ERC2: variants seen among roughly 807,000 people sequenced by gnomAD.
ERC2 encodes the protein ERC protein 2.
ERC2 carries 42 observed loss-of-function variants against 114.8 expected under a neutral mutation model. The observed-to-expected ratio is 0.37, with a 90% CI of 0.29 to 0.47. The LOEUF (loss-of-function observed/expected upper bound fraction) is 0.47. Ranked by LOEUF, ERC2 falls within the 20% of genes least tolerant of loss-of-function variation. The pLI, the probability that ERC2 is intolerant of heterozygous loss-of-function variation, is 0.99. For synonymous variants in ERC2, 454 were observed against 425.5 expected (o/e 1.07, Z -0.82); for missense variants, 939 against 1,150.7 (o/e 0.82, Z 2.66).
chr3:56,233,642 T>C (rs2050768713), intron 3 of ERC2, among the ~76,000 whole-genome samples: 1 of 152,078 alleles, frequency 6.6e-6, no homozygotes, highest in Non-Finnish European at 1.5e-5. Context: ...AAAACATTTT[T>C]GCTCTCCTAT....
rs186252966 is a variant in ERC2, at chr3:56,236,628, T to C, written c.1074+59391A>G. ...GTTTTGCTAACAGCTTCTCAAGCAC[T>C]GGGGTCTATTTATTATATTGAGGTA... On this transcript the variant is annotated intron_variant, in intron 3 of 17. Coordinates refer to ENST00000288221, the MANE Select transcript of ERC2 (RefSeq NM_015576.3). Among the ~76,000 whole-genome samples the C allele has an allele frequency of 2.0e-3, 297 of 152,282 alleles. 1 individual carries two copies. The highest frequency in any genetic ancestry group is 6.9e-3 in the African/African-American group (288 of 41,538).
At chr3:55,924,428 T>C (rs759466540) in intron 13 of ERC2, among the ~76,000 whole-genome samples, 2 of 152,164 alleles carry the variant, frequency 1.3e-5, no homozygotes, top group African/African-American at 2.4e-5. Context: ...AGACCATAGT[T>C]GGCCAACCAG....
rs569029272 is a variant in ERC2, at chr3:55,972,449, C to A, written c.2267+13528G>T. Among the ~76,000 whole-genome samples the A allele has an allele frequency of 3.8e-4, 58 of 152,216 alleles. No individual in the cohort carries two copies. In the South Asian group the frequency reaches 0.012, roughly 31 times the overall value. On this transcript the variant is annotated intron_variant, in intron 12 of 17. Transcript: ENST00000288221. ...CCTTGTCCCCAACACCCCAACAGGC[C>A]ACGGTGTGTGATGTTCTCCTCCCTG...
chr3:55,923,379 G>A (rs1338760195), intron 13 of ERC2, among the ~76,000 whole-genome samples: 1 of 152,052 alleles, frequency 6.6e-6, no homozygotes, highest in Non-Finnish European at 1.5e-5. Context: ...CAGGGACCAG[G>A]GGTATGAGGT....
intron 13 of ERC2, among the ~76,000 whole-genome samples, chr3:55,907,532 G>A (rs2064531380): frequency 6.6e-6 from 1 of 152,206 alleles, no homozygotes; most frequent in Non-Finnish European, 1.5e-5. Context: ...AGAGGTCTTT[G>A]TCTCTGATAT....
chr3:56,265,673 G>A (rs1364325665), intron 3 of ERC2, among the ~76,000 whole-genome samples: 1 of 152,094 alleles, frequency 6.6e-6, no homozygotes, highest in Non-Finnish European at 1.5e-5. Flanking sequence ...CCTATGGATT[G>A]GGAGAAAACA....
chr3:56,248,848 T>C (rs1216840510), intron 3 of ERC2, among the ~76,000 whole-genome samples: 1 of 152,244 alleles, frequency 6.6e-6, no homozygotes, highest in Non-Finnish European at 1.5e-5. Context: ...CACACAACTG[T>C]ATGTATGCAA....
intron 17 of ERC2, among the ~76,000 whole-genome samples, chr3:55,538,675 A>T (rs1428762226): frequency 2.6e-5 from 4 of 152,234 alleles, no homozygotes; most frequent in African/African-American, 9.6e-5. Flanking sequence ...TCAGGCAAAA[A>T]ATAAAGACAA....
intron 14 of ERC2, among the ~76,000 whole-genome samples, chr3:55,774,660 C>G (rs1440564217): frequency 6.6e-6 from 1 of 152,220 alleles, no homozygotes; most frequent in Non-Finnish European, 1.5e-5. Flanking sequence ...GGAGAACCCA[C>G]CAGATTACCC....
chr3:55,912,251 T>C (rs773124006), intron 13 of ERC2, among the ~76,000 whole-genome samples: 2 of 152,200 alleles, frequency 1.3e-5, no homozygotes, highest in Non-Finnish European at 2.9e-5. Context: ...CCAGAGCTGG[T>C]ATTTCAGCCC....
intron 14 of ERC2, among the ~76,000 whole-genome samples, chr3:55,860,910 T>C (rs1034614761): frequency 5.3e-5 from 8 of 152,132 alleles, no homozygotes; most frequent in Admixed American, 3.3e-4. Context: ...ACTCTTAATA[T>C]CCCTGGATAA....
At chr3:56,460,887 G>A (rs562690988) in intron 1 of ERC2, among the ~76,000 whole-genome samples, 5 of 150,624 alleles carry the variant, frequency 3.3e-5, no homozygotes, top group East Asian at 2.0e-4. Context: ...TTGGGAGGCC[G>A]AGGCGGGCGG....
At chr3:55,713,132 C>CACACAT (rs2063878196) in intron 15 of ERC2, among the ~76,000 whole-genome samples, 4 of 10,094 alleles carry the variant, frequency 4.0e-4, no homozygotes, top group Non-Finnish European at 6.6e-4. Context: ...CTCTCTGTCT[C>CACACAT]ACACACACAC....
intron 7 of ERC2, among the ~76,000 whole-genome samples, chr3:56,060,956 C>T (rs2076220473): frequency 6.6e-6 from 1 of 152,182 alleles, no homozygotes; most frequent in Admixed American, 6.5e-5. Flanking sequence ...GATGGCCTGG[C>T]ATGATTTGTT....
chr3:55,997,880 GTTTTTTTTT>G (rs869077498), intron 10 of ERC2, among the ~76,000 whole-genome samples: 17 of 44,768 alleles, frequency 3.8e-4, no homozygotes, highest in Admixed American at 6.6e-4. Flanking sequence ...TCTTAATTCT[GTTTTTTTTT>G]TTTTTTTTTT....
At chr3:55,891,777 C>T (rs1181866531) in intron 13 of ERC2, among the ~76,000 whole-genome samples, 2 of 152,238 alleles carry the variant, frequency 1.3e-5, no homozygotes, top group South Asian at 2.1e-4. Context: ...CTCCATCTCC[C>T]CATCACAGTC....
intron 12 of ERC2, among the ~76,000 whole-genome samples, chr3:55,983,834 T>C (rs1296624325): frequency 2.6e-5 from 4 of 152,160 alleles, no homozygotes; most frequent in Non-Finnish European, 4.4e-5. Context: ...CTGTATGCCA[T>C]ATAAAGAAAG....
chr3:56,117,033 G>T (rs1312624646), intron 6 of ERC2, among the ~76,000 whole-genome samples: 1 of 152,132 alleles, frequency 6.6e-6, no homozygotes, highest in East Asian at 1.9e-4. Context: ...GTTTTGGAAG[G>T]TTAGGCAAAT....
intron 14 of ERC2, among the ~76,000 whole-genome samples, chr3:55,848,791 T>C (rs1347727947): frequency 1.3e-5 from 2 of 152,212 alleles, no homozygotes; most frequent in Non-Finnish European, 2.9e-5. Flanking sequence ...TAATAGCCCT[T>C]GCTCAATCTT....
Sources: allele counts gnomAD v4.1 joint callset (sites outside exome capture counted in the v4.1 genomes callset), GRCh38; gene constraint gnomAD v4.1.1; transcripts MANE v1.5; gene names NCBI Gene and HGNC (gene_info 2026-07-23, HGNC 2026-07-21).